Variants in EPB41L4A observed in about 807,000 individuals in gnomAD.
EPB41L4A encodes the protein band 4.1-like protein 4A.
EPB41L4A carries 100 observed loss-of-function variants against 108.6 expected under a neutral mutation model. That is an observed-to-expected ratio of 0.92 (90% CI 0.78 to 1.09). EPB41L4A has a LOEUF of 1.09. Ranked by LOEUF, EPB41L4A falls within the 50% of genes least tolerant of loss-of-function variation. The pLI, the probability that EPB41L4A is intolerant of heterozygous loss-of-function variation, is 0.00. For missense variants in EPB41L4A, 1,030 were observed against 842.7 expected (o/e 1.22, Z -2.75); for synonymous variants, 319 against 289.0 (o/e 1.10, Z -1.05).
intron 1 of EPB41L4A, among the ~76,000 whole-genome samples, chr5:112,356,929 T>C (rs925458805): frequency 7.2e-5 from 11 of 152,168 alleles, no homozygotes; most frequent in African/African-American, 2.7e-4. Flanking sequence ...ATAGACACAA[T>C]ATTTCACAGG....
intron 13 of EPB41L4A, 57 bp downstream of exon 13, chr5:112,209,835 A>G: frequency 8.9e-7 from 1 of 1,119,736 alleles, no homozygotes; most frequent in Non-Finnish European, 1.3e-6. Flanking sequence ...GTCTACAGAA[A>G]AAAAGCATTT....
At chr5:112,321,603 A>G (rs1030974963) in intron 1 of EPB41L4A, among the ~76,000 whole-genome samples, 24 of 152,210 alleles carry the variant, frequency 1.6e-4, no homozygotes, top group African/African-American at 5.8e-4. Context: ...TATGACATCT[A>G]ACTTCTGCTT....
intron 12 of EPB41L4A, among the ~76,000 whole-genome samples, chr5:112,147,170 A>T (rs1580317861): frequency 6.6e-6 from 1 of 152,202 alleles, no homozygotes; most frequent in East Asian, 1.9e-4. Flanking sequence ...GTCTTGAATT[A>T]GTATTCATTT....
chr5:112,195,931 C>G (rs980252568), intron 15 of EPB41L4A, among the ~76,000 whole-genome samples: 1 of 152,096 alleles, frequency 6.6e-6, no homozygotes, highest in Non-Finnish European at 1.5e-5. Flanking sequence ...ACCTGCAAAC[C>G]GTCCGAATTC....
At chr5:112,347,147 A>G (rs1009933249) in intron 1 of EPB41L4A, among the ~76,000 whole-genome samples, 1 of 152,162 alleles carries the variant, frequency 6.6e-6, no homozygotes, top group African/African-American at 2.4e-5. Flanking sequence ...CTAACCACAA[A>G]AGTGGGCTAC....
chr5:112,290,479 G>A (rs2150533006), intron 2 of EPB41L4A, among the ~76,000 whole-genome samples: 1 of 152,196 alleles, frequency 6.6e-6, no homozygotes, highest in Non-Finnish European at 1.5e-5. Context: ...ATGGTTTTAG[G>A]GATCACAGAT....
chr5:112,270,478 G>A (rs1294818039), intron 4 of EPB41L4A, among the ~76,000 whole-genome samples: 1 of 152,108 alleles, frequency 6.6e-6, no homozygotes, highest in Non-Finnish European at 1.5e-5. Context: ...AAATAATGCA[G>A]AAAAATGGCA....
At chr5:112,251,529 C>T (rs1750668630) in intron 9 of EPB41L4A, among the ~76,000 whole-genome samples, 2 of 151,890 alleles carry the variant, frequency 1.3e-5, no homozygotes, top group Non-Finnish European at 2.9e-5. Context: ...CAACACAGTA[C>T]AAAAACCCAT....
At chr5:112,260,115 G>C (rs1030460004) in intron 7 of EPB41L4A, 136 bp from the exon 8 acceptor site, 21 of 639,870 alleles carry the variant, frequency 3.3e-5, no homozygotes, top group Non-Finnish European at 4.3e-5. Flanking sequence ...TAGAAAGCTA[G>C]ATACACTATG....
At chr5:112,168,030 T>C (rs1033819853) in intron 22 of EPB41L4A, among the ~76,000 whole-genome samples, 3 of 152,348 alleles carry the variant, frequency 2.0e-5, no homozygotes, top group African/African-American at 7.2e-5. Flanking sequence ...CTGACCCTGA[T>C]CCATCAGACA....
At chr5:112,265,617 T>C (rs562025573) in intron 5 of EPB41L4A, among the ~76,000 whole-genome samples, 3 of 152,220 alleles carry the variant, frequency 2.0e-5, no homozygotes, top group Admixed American at 6.5e-5. Context: ...TTCTTCTAGA[T>C]TATTTTTAGT....
At chr5:112,279,770 A>C (rs2150504771) in intron 3 of EPB41L4A, among the ~76,000 whole-genome samples, 1 of 152,240 alleles carries the variant, frequency 6.6e-6, no homozygotes, top group African/African-American at 2.4e-5. Flanking sequence ...TAAAACCAAA[A>C]AGCTAGCTCC....
At chr5:112,145,198 G>C (rs191856626) in intron 13 of EPB41L4A, among the ~76,000 whole-genome samples, 3 of 152,184 alleles carry the variant, frequency 2.0e-5, no homozygotes, top group African/African-American at 7.2e-5. Context: ...GCTGAGGTGG[G>C]AGAATCACTT....
chr5:112,265,700 C>G (rs776817707), intron 5 of EPB41L4A, among the ~76,000 whole-genome samples: 2 of 152,196 alleles, frequency 1.3e-5, no homozygotes, highest in Non-Finnish European at 2.9e-5. Flanking sequence ...TAGAAGGTGT[C>G]TAATCGTCAC....
chr5:112,347,580 T>A (rs4958040), intron 1 of EPB41L4A, among the ~76,000 whole-genome samples: 102,118 of 152,090 alleles, frequency 0.67, 34,506 homozygotes, highest in South Asian at 0.82. Context: ...GTATGAAAAC[T>A]TGCTTTTAGA....
At chr5:112,379,441 GA>G (rs1186157845) in intron 1 of EPB41L4A, among the ~76,000 whole-genome samples, 1 of 152,128 alleles carries the variant, frequency 6.6e-6, no homozygotes, top group Non-Finnish European at 1.5e-5. Context: ...AGATTTTGAT[GA>G]AACAAGAGGT....
chr5:112,227,848 T>C lies in EPB41L4A; in HGVS notation c.1087+6786A>G, dbSNP rs543616587. On this transcript the variant is annotated intron_variant, in intron 12 of 22. Coordinates refer to ENST00000261486, the MANE Select transcript of EPB41L4A (RefSeq NM_022140.5). ...CATTATATCGAATAATTTCTCTGTCTTCCCTGCTTTGACTGCACCTACCTT... is the reference window on the plus strand; with the variant it reads ...CATTATATCGAATAATTTCTCTGTCCTCCCTGCTTTGACTGCACCTACCTT... Among the ~76,000 whole-genome samples, 3 of 152,358 alleles carry C rather than the reference T, an allele frequency of 2.0e-5. No homozygotes were observed. In the East Asian group the frequency reaches 5.8e-4, roughly 29 times the overall value.
At chr5:112,404,614 G>A (rs565784605) in intron 1 of EPB41L4A, among the ~76,000 whole-genome samples, 2 of 152,314 alleles carry the variant, frequency 1.3e-5, no homozygotes, top group African/African-American at 4.8e-5. Flanking sequence ...GATATTCGGA[G>A]TCTATATTCT....
chr5:112,349,776 G>A (rs1757922333), intron 1 of EPB41L4A, among the ~76,000 whole-genome samples: 1 of 152,172 alleles, frequency 6.6e-6, no homozygotes, highest in Admixed American at 6.5e-5. Flanking sequence ...AAACCTAGAG[G>A]AAGCTGATAG....
Sources: allele counts gnomAD v4.1 joint callset (sites outside exome capture counted in the v4.1 genomes callset), GRCh38; gene constraint gnomAD v4.1.1; transcripts MANE v1.5; gene names NCBI Gene and HGNC (gene_info 2026-07-23, HGNC 2026-07-21).